Variants in EIPR1 observed in about 807,000 individuals in gnomAD.
The protein encoded by EIPR1 is EARP complex and GARP complex interacting protein 1.
EIPR1 carries 25 observed loss-of-function variants against 48.1 expected under a neutral mutation model. The ratio of observed to expected loss-of-function variants is 0.52; its 90% CI spans 0.38 to 0.73. The LOEUF (loss-of-function observed/expected upper bound fraction) is 0.73, where lower values mean the gene tolerates loss of function less well. Among genes scored for constraint, EIPR1 ranks in the 30% least tolerant of loss-of-function variants. The pLI, the probability that EIPR1 is intolerant of heterozygous loss-of-function variation, is 0.00. For synonymous variants in EIPR1, 204 were observed against 201.9 expected, an observed-to-expected ratio of 1.01 and a Z score of -0.09; for missense variants, 415 against 506.2, an observed-to-expected ratio of 0.82 and a Z score of 1.73.
At position 3,312,672 on chromosome 2, in the gene EIPR1, C is replaced by T. The variant is rs892437815; in HGVS notation, c.259+25345G>A. Among the ~76,000 whole-genome samples the T allele has an allele frequency of 9.9e-5, 15 of 152,262 alleles. No individual in the cohort carries two copies. The highest frequency in any genetic ancestry group is 2.0e-4 in the Admixed American group (3 of 15,298). On this transcript the variant is annotated intron_variant, in intron 3 of 8. Coordinates refer to ENST00000382125, the MANE Select transcript of EIPR1 (RefSeq NM_003310.5). This position sits in a 1 kb window ranked among gnomAD's most constrained non-coding sequence, Gnocchi z 5.5. The stretch of plus-strand genomic sequence containing the variant: ...CACTGCCTCTGTGCTCAGGGGATAA[C>T]GGCGGGGTGGGGAAGAGCCTCCACT...
intron 3 of EIPR1, among the ~76,000 whole-genome samples, chr2:3,314,633 T>C (rs1669228732): frequency 6.8e-6 from 1 of 147,966 alleles, no homozygotes; most frequent in African/African-American, 2.4e-5. Context: ...GGCCAGCCTG[T>C]TGCCGTCCCT....
chr2:3,359,790 T>A lies in EIPR1; in HGVS notation c.43-5157A>T, dbSNP rs938784568. On this transcript the variant is annotated intron_variant, in intron 1 of 8. Coordinates refer to ENST00000382125, the MANE Select transcript of EIPR1 (RefSeq NM_003310.5). ...CTTATTACAAAAGATCAAATTTTTA[T>A]AGTATAATATGTCAAAAAACATTTT... Among the ~76,000 whole-genome samples the A allele has an allele frequency of 5.3e-5, 8 of 152,346 alleles. No individual in the cohort carries two copies. In the East Asian group the frequency reaches 1.5e-3, roughly 29 times the overall value.
At chr2:3,223,038 G>T (rs1665947504) in intron 4 of EIPR1, among the ~76,000 whole-genome samples, 1 of 152,160 alleles carries the variant, frequency 6.6e-6, no homozygotes, top group Non-Finnish European at 1.5e-5. Flanking sequence ...GAGCCTCAGG[G>T]TCCTACAAAC....
chr2:3,204,105 G>C (rs1211929950), intron 5 of EIPR1, among the ~76,000 whole-genome samples: 1 of 152,284 alleles, frequency 6.6e-6, no homozygotes, highest in Non-Finnish European at 1.5e-5. Flanking sequence ...AGAGGTGAAA[G>C]GGAGATGCCC....
At chr2:3,193,706 T>C (rs1257178482) in intron 7 of EIPR1, among the ~76,000 whole-genome samples, 1 of 152,254 alleles carries the variant, frequency 6.6e-6, no homozygotes, top group Non-Finnish European at 1.5e-5. Flanking sequence ...TCCAGGTTTC[T>C]GGCATTACAA....
intron 1 of EIPR1, among the ~76,000 whole-genome samples, chr2:3,372,676 C>T (rs1659710799): frequency 6.6e-6 from 1 of 152,094 alleles, no homozygotes; most frequent in Non-Finnish European, 1.5e-5. Flanking sequence ...CAAGACTAAA[C>T]CAGGAAGAAG....
chr2:3,328,270 G>A (rs115077171), intron 3 of EIPR1, among the ~76,000 whole-genome samples: 73 of 152,268 alleles, frequency 4.8e-4, no homozygotes, highest in African/African-American at 1.5e-3. Flanking sequence ...CACCTGGGGG[G>A]TGCCACCCCT....
At chr2:3,374,476 C>G (rs191185544) in intron 1 of EIPR1, among the ~76,000 whole-genome samples, 28,683 of 151,900 alleles carry the variant, frequency 0.19, 3,843 homozygotes, top group East Asian at 0.42. Context: ...TCACAACCTG[C>G]TCATCTGACA....
chr2:3,310,652 CAAAAA>C (rs751422009), intron 3 of EIPR1, among the ~76,000 whole-genome samples: 1 of 55,298 alleles, frequency 1.8e-5, no homozygotes, highest in Non-Finnish European at 4.0e-5. Flanking sequence ...GACTCCGTCT[CAAAAA>C]AAAAAAAAAA....
intron 3 of EIPR1, among the ~76,000 whole-genome samples, chr2:3,283,505 AGCTCACGCCCAGAAGTGATGCACCAC>A (rs1668077854): frequency 1.3e-5 from 2 of 151,780 alleles, no homozygotes; most frequent in Non-Finnish European, 2.9e-5. Flanking sequence ...ACTGAGAAGG[AGCTCACGCCCAGAAGTGATGCACCAC>A]GTTCACACCC....
rs114212430 is a variant in EIPR1 at position 3,267,489 on chromosome 2, G to A, written c.260-10034C>T. Among the ~76,000 whole-genome samples the A allele has an allele frequency of 6.9e-3, 1,056 of 152,344 alleles. 13 individuals are homozygous for A. Among genetic ancestry groups the A allele is most frequent in the African/African-American group, 0.024 (982 of 41,580 alleles). ...TGCATGATCATAAACTTAATCAGGC[G>A]GGCAACCCCAACTGCAGCTATTTCA... On this transcript the variant is annotated intron_variant, in intron 3 of 8. Coordinates refer to ENST00000382125, the MANE Select transcript of EIPR1 (RefSeq NM_003310.5).
At chr2:3,223,802 T>C (rs1336038446) in intron 4 of EIPR1, among the ~76,000 whole-genome samples, 3 of 152,114 alleles carry the variant, frequency 2.0e-5, no homozygotes, top group Admixed American at 1.3e-4. Flanking sequence ...TGGAACGGCA[T>C]GGCGGCATGC....
chr2:3,283,109 A>G (rs1668065421), intron 3 of EIPR1, among the ~76,000 whole-genome samples: 1 of 152,212 alleles, frequency 6.6e-6, no homozygotes, highest in South Asian at 2.1e-4. Context: ...TTTGGAGAAT[A>G]TATGAAACAT....
chr2:3,210,731 G>A (rs1277101000), intron 5 of EIPR1, among the ~76,000 whole-genome samples: 1 of 150,254 alleles, frequency 6.7e-6, no homozygotes, highest in Admixed American at 6.7e-5. Flanking sequence ...CCAGGTTCAA[G>A]CAAGTCTCCC....
Position 3,276,647 on chromosome 2 carries a change from T to C in EIPR1, c.260-19192A>G, listed in dbSNP as rs1217675421. Among the ~76,000 whole-genome samples the C allele has an allele frequency of 1.1e-4, 16 of 152,176 alleles. 1 individual carries two copies. Among genetic ancestry groups the C allele is most frequent in the Non-Finnish European group, 2.4e-4 (16 of 68,036 alleles). ...AGTCCACTACCTCCATGTCAACTGG[T>C]TTTGAAAAAGTATAAATATGGCTGC... is the stretch of plus-strand genomic sequence containing the variant. On this transcript the variant is annotated intron_variant, in intron 3 of 8. Transcript: ENST00000382125.
At chr2:3,191,687 G>T (rs1430515729) in intron 8 of EIPR1, among the ~76,000 whole-genome samples, 5 of 152,200 alleles carry the variant, frequency 3.3e-5, no homozygotes, top group Non-Finnish European at 7.3e-5. Context: ...CCCCCAGGAA[G>T]CGGCTGCCAC....
chr2:3,373,436 T>C (rs1018273062), intron 1 of EIPR1, among the ~76,000 whole-genome samples: 3 of 152,178 alleles, frequency 2.0e-5, no homozygotes, highest in African/African-American at 7.2e-5. Flanking sequence ...GGAAGTCAAA[T>C]TGTCCCTGTT....
intron 3 of EIPR1, among the ~76,000 whole-genome samples, chr2:3,258,616 G>C (rs1340317817): frequency 6.6e-6 from 1 of 152,140 alleles, no homozygotes; most frequent in South Asian, 2.1e-4. Flanking sequence ...ATGCTCTTGC[G>C]ATCTCAATAT....
chr2:3,353,292 C>A (rs1327457828), intron 2 of EIPR1: 1 of 471,046 alleles, frequency 2.1e-6, no homozygotes, highest in South Asian at 1.5e-5. Flanking sequence ...AATTTTTAGT[C>A]CTTTTTGGCC....
Sources: gnomAD v4.1 joint callset for allele counts (sites outside exome capture counted in the v4.1 genomes callset) on GRCh38, gnomAD v4.1.1 for gene constraint, Gnocchi (gnomAD v3.1) non-coding constraint, MANE v1.5 for transcripts, NCBI Gene and HGNC (gene_info 2026-07-23, HGNC 2026-07-21) for gene names.